The following CD53 variants were observed in gnomAD, a reference collection of about 807,000 sequenced individuals.
CD53 encodes the protein CD53 molecule.
Under a neutral mutation model 27.3 loss-of-function variants are expected in CD53, and 20 were observed. The observed-to-expected ratio is 0.73, with a 90% CI of 0.52 to 1.07. The LOEUF is 1.07. Among genes scored for constraint, CD53 ranks in the 50% least tolerant of loss-of-function variants. The pLI is 0.00. For missense variants in CD53, 216 were observed against 264.0 expected, an observed-to-expected ratio of 0.82 and a Z score of 1.26; for synonymous variants, 106 against 105.3, an observed-to-expected ratio of 1.01 and a Z score of -0.04.
chr1:110,881,243 A>G (rs1342050075), intron 1 of CD53, among the ~76,000 whole-genome samples: 2 of 151,194 alleles, frequency 1.3e-5, no homozygotes, highest in African/African-American at 4.9e-5. Flanking sequence ...CTCCCTCTCT[A>G]CTCACCTCCT....
At chr1:110,877,315 A>G (rs1277530157) in intron 1 of CD53, among the ~76,000 whole-genome samples, 1 of 152,198 alleles carries the variant, frequency 6.6e-6, no homozygotes, top group Non-Finnish European at 1.5e-5. Context: ...GGCTTTTCTT[A>G]TCCCACAAAG....
At chr1:110,887,783 A>G (rs1656686521) in intron 1 of CD53, among the ~76,000 whole-genome samples, 1 of 152,164 alleles carries the variant, frequency 6.6e-6, no homozygotes, top group Admixed American at 6.5e-5. Context: ...GATGGTACCT[A>G]TCCTTGGGCA....
intron 1 of CD53, among the ~76,000 whole-genome samples, chr1:110,873,569 T>C (rs1319250582): frequency 1.3e-5 from 2 of 152,192 alleles, no homozygotes; most frequent in Non-Finnish European, 1.5e-5. Flanking sequence ...CGAGATGACA[T>C]TGGGGAGATT....
At chr1:110,887,978 A>G (rs572081321) in intron 1 of CD53, among the ~76,000 whole-genome samples, 2 of 152,320 alleles carry the variant, frequency 1.3e-5, no homozygotes, top group East Asian at 3.9e-4. Context: ...GTTCTTATCT[A>G]ATCATATGGG....
At chr1:110,872,769 C>T (rs1384198725), upstream of CD53, among the ~76,000 whole-genome samples, 1 of 152,196 alleles carries the variant, frequency 6.6e-6, no homozygotes, top group African/African-American at 2.4e-5. Flanking sequence ...TGTTCCCCTC[C>T]AGTCTGTCTA....
Position 110,891,313 on chromosome 1 carries a change from T to A in CD53, c.-17-79T>A, listed in dbSNP as rs577145965. 23 of 978,736 alleles carry A rather than the reference T, an allele frequency of 2.3e-5. No individual in the cohort carries two copies. In the African/African-American group the frequency reaches 3.3e-4, roughly 14 times the overall value. 60.6% of individuals were successfully genotyped at this position (978,736 alleles called of 1,614,324 possible). On this transcript the variant is annotated intron_variant, in intron 1 of 7. Coordinates refer to ENST00000271324, the MANE Select transcript of CD53 (RefSeq NM_000560.4). ...CTCAAACCCAAGGTAATGCTAGAGA[T>A]CCCTGAACATTTGTGCACTCTGATC...
In CD53 at chr1:110,899,539, G is replaced by T. The variant is rs745984251; in HGVS notation, c.*344G>T. 2.4e-5 allele frequency: 5 copies of T among 209,548 alleles called. No homozygotes were observed. The highest frequency in any genetic ancestry group is 4.8e-5 in the Non-Finnish European group (5 of 103,284). The allele number at this position is 209,548 out of a possible 1,614,324, so 13.0% of individuals were successfully genotyped here. A position where few individuals can be genotyped will look rare whatever the true frequency, so the allele number is the denominator to read the frequency against. ...TGAATTTTTGCATCTTCCCATTGTC[G>T]AATTAGTCTCCAGCCTCTAAATAAT... On this transcript the variant is annotated 3_prime_UTR_variant, in exon 8 of 8. Transcript: ENST00000271324.
At position 110,894,400 on chromosome 1, in the gene CD53, A is replaced by G. The variant is rs947113148; in HGVS notation, c.326A>G (p.Lys109Arg). ...LAILLFVYEQKLNEYVAKGLT... is the reference protein window; with the variant it reads ...LAILLFVYEQRLNEYVAKGLT... ...ATCCTGCTCTTTGTATATGAACAGA[A>G]GGTAAGTTATAAAGACAACAACTTA... is the stretch of plus-strand genomic sequence containing the variant. The change falls in exon 4 of 8, where the codon AAG becomes AGG. Residue 109 changes from lysine (K) to arginine (R), a missense_variant and splice_region_variant. Transcript: ENST00000271324. The G allele has an allele frequency of 1.2e-6, 2 of 1,611,448 alleles. No individual in the cohort carries two copies. Among genetic ancestry groups the G allele is most frequent in the Admixed American group, 1.7e-5 (1 of 59,998 alleles).
chr1:110,895,939 A>G (rs145917176), intron 5 of CD53, among the ~76,000 whole-genome samples: 3 of 152,278 alleles, frequency 2.0e-5, no homozygotes, highest in African/African-American at 7.2e-5. Context: ...AAATTTTATA[A>G]TTTCTTAATA....
intron 7 of CD53, among the ~76,000 whole-genome samples, chr1:110,898,576 G>A (rs1377999727): frequency 2.0e-5 from 3 of 151,984 alleles, no homozygotes; most frequent in African/African-American, 7.2e-5. Flanking sequence ...GGCTGATGAC[G>A]AAAATTGTAA....
rs192229527 is a variant in CD53, at chr1:110,899,363, C to G, written c.*168C>G. On this transcript the variant is annotated 3_prime_UTR_variant, in exon 8 of 8. Transcript: ENST00000271324. ...GAAGTGGGTGTTGGCCAGGCACATC[C>G]CATCTCAGGCAGCAAGACAATCTTT... 1 of 548,210 alleles carries G rather than the reference C, an allele frequency of 1.8e-6. No individual in the cohort carries two copies. The highest frequency in any genetic ancestry group is 3.3e-5 in the Admixed American group (1 of 30,144). The allele number at this position is 548,210 out of a possible 1,614,324, so 34.0% of individuals were successfully genotyped here.
chr1:110,881,626 G>C (rs1656357162), intron 1 of CD53, among the ~76,000 whole-genome samples: 1 of 152,144 alleles, frequency 6.6e-6, no homozygotes, highest in Admixed American at 6.5e-5. Flanking sequence ...AAATACCTAG[G>C]AGTAGAATGG....
At chr1:110,894,927 C>T (rs367678458) in intron 4 of CD53, 33 bp from the exon 5 acceptor site, 1 of 1,541,958 alleles carries the variant, frequency 6.5e-7, no homozygotes, top group African/African-American at 1.4e-5. Context: ...CTGCTTTTTA[C>T]CATGTCTCCT....
chr1:110,899,078 T>C, intron 7 of CD53, 46 bp from the exon 8 acceptor site: 1 of 1,451,900 alleles, frequency 6.9e-7, no homozygotes, highest in Non-Finnish European at 9.7e-7. Flanking sequence ...GTGAAAGAAA[T>C]GGCTTTTCTT....
intron 1 of CD53, among the ~76,000 whole-genome samples, chr1:110,882,699 G>A (rs532147220): frequency 4.6e-5 from 7 of 151,854 alleles, no homozygotes; most frequent in Admixed American, 2.0e-4. Flanking sequence ...AGATGGACGT[G>A]GTATATCTCT....
rs932105230 is a variant in CD53 at position 110,891,394 on chromosome 1, C to G, written c.-15C>G. On this transcript the variant is annotated splice_region_variant and 5_prime_UTR_variant, in exon 2 of 8. Coordinates refer to ENST00000271324, the MANE Select transcript of CD53 (RefSeq NM_000560.4). ...CTTTCTTCTTCCTTATTCCTTAGGGCAAGAATATCACGGCATGGGCATGAG... is the reference window on the plus strand; with the variant it reads ...CTTTCTTCTTCCTTATTCCTTAGGGGAAGAATATCACGGCATGGGCATGAG... The G allele has an allele frequency of 6.2e-7, 1 of 1,607,112 alleles. No homozygotes were observed. The highest frequency in any genetic ancestry group is 8.5e-7 in the Non-Finnish European group (1 of 1,173,646).
At position 110,899,609 on chromosome 1, in the gene CD53, A is replaced by T. The variant is rs1234214736; in HGVS notation, c.*414A>T. The T allele has an allele frequency of 5.9e-6, 1 of 170,518 alleles. No homozygotes were observed. Among genetic ancestry groups the T allele is most frequent in the Non-Finnish European group, 1.3e-5 (1 of 79,544 alleles). 10.6% of individuals were successfully genotyped at this position (170,518 alleles called of 1,614,324 possible). A position where few individuals can be genotyped will look rare whatever the true frequency, so the allele number is the denominator to read the frequency against. On this transcript the variant is annotated 3_prime_UTR_variant, in exon 8 of 8. Coordinates refer to ENST00000271324, the MANE Select transcript of CD53 (RefSeq NM_000560.4). ...GTCAAGCAAGAGACTAGTTGAAGGG[A>T]GTTCTGGGGCCAGGCTCACTGGACC...
intron 5 of CD53, among the ~76,000 whole-genome samples, chr1:110,895,277 G>T (rs183597101): frequency 6.6e-6 from 1 of 152,164 alleles, no homozygotes; most frequent in Non-Finnish European, 1.5e-5. Context: ...ACATGAATAG[G>T]TTTATTTTCT....
chr1:110,878,731 A>G (rs1656223618), intron 1 of CD53, among the ~76,000 whole-genome samples: 1 of 152,192 alleles, frequency 6.6e-6, no homozygotes, highest in East Asian at 1.9e-4. Context: ...GAAAGAAAAC[A>G]ATTTATGCAT....
Sources: allele counts gnomAD v4.1 joint callset (sites outside exome capture counted in the v4.1 genomes callset), GRCh38; gene constraint gnomAD v4.1.1; transcripts MANE v1.5; gene names NCBI Gene and HGNC (gene_info 2026-07-23, HGNC 2026-07-21).